Variants in KCNT2 observed in about 807,000 individuals in gnomAD.
KCNT2 encodes the protein potassium sodium-activated channel subfamily T member 2, also known as potassium channel subfamily T member 2.
In KCNT2, 67 loss-of-function variants were observed where a neutral mutation model predicts 153.8. The observed-to-expected ratio is 0.44, with a 90% CI of 0.36 to 0.53. KCNT2 has a LOEUF of 0.53. KCNT2 is among the 20% of genes least tolerant of loss of function. The pLI is 0.00. For missense variants in KCNT2, 975 were observed against 1,354.8 expected, an observed-to-expected ratio of 0.72 and a Z score of 4.40; for synonymous variants, 500 against 458.8, an observed-to-expected ratio of 1.09 and a Z score of -1.15.
intron 1 of KCNT2, among the ~76,000 whole-genome samples, chr1:196,530,993 G>T (rs1001098258): frequency 2.0e-5 from 3 of 152,036 alleles, no homozygotes; most frequent in African/African-American, 7.2e-5. Flanking sequence ...AAACTTAGAA[G>T]GATGAATCAG....
At chr1:196,348,871 C>A (rs1666368241) in intron 14 of KCNT2, among the ~76,000 whole-genome samples, 1 of 151,638 alleles carries the variant, frequency 6.6e-6, no homozygotes, top group Non-Finnish European at 1.5e-5. Context: ...ACGAAAAATA[C>A]AAAACAAAAC....
intron 12 of KCNT2, among the ~76,000 whole-genome samples, chr1:196,415,771 A>G (rs1005931986): frequency 1.3e-5 from 2 of 151,702 alleles, no homozygotes; most frequent in African/African-American, 2.4e-5. Flanking sequence ...TTTCTTCCTT[A>G]CCCTTTCTAT....
intron 26 of KCNT2, among the ~76,000 whole-genome samples, chr1:196,243,697 T>C (rs1016585866): frequency 6.6e-6 from 1 of 152,112 alleles, no homozygotes. Flanking sequence ...GAACCTGAGT[T>C]CTGGCAAGCC....
At chr1:196,403,489 T>C (rs560031757) in intron 12 of KCNT2, among the ~76,000 whole-genome samples, 2 of 151,696 alleles carry the variant, frequency 1.3e-5, no homozygotes, top group Non-Finnish European at 2.9e-5. Context: ...ATGCATGTCA[T>C]ATTACATTTA....
chr1:196,378,668 T>G (rs1572226191), intron 13 of KCNT2, among the ~76,000 whole-genome samples: 1 of 149,472 alleles, frequency 6.7e-6, no homozygotes, highest in African/African-American at 2.4e-5. Flanking sequence ...GTATTATATA[T>G]ATTTATATAG....
At chr1:196,542,643 T>C (rs770494245) in intron 1 of KCNT2, among the ~76,000 whole-genome samples, 1 of 152,104 alleles carries the variant, frequency 6.6e-6, no homozygotes, top group African/African-American at 2.4e-5. Flanking sequence ...TATAAATGGA[T>C]TGGGGAGCTT....
At chr1:196,434,563 A>G (rs1674449835) in intron 8 of KCNT2, among the ~76,000 whole-genome samples, 1 of 151,990 alleles carries the variant, frequency 6.6e-6, no homozygotes, top group South Asian at 2.1e-4. Flanking sequence ...TCACTGTTTA[A>G]AGAAACCTCT....
At position 196,330,922 on chromosome 1, in the gene KCNT2, C is replaced by T. The variant is rs149612817; in HGVS notation, c.2103+234G>A. Among the ~76,000 whole-genome samples, 17 of 152,038 alleles carry T rather than the reference C, an allele frequency of 1.1e-4. 1 individual carries two copies. In the East Asian group the frequency reaches 3.1e-3, roughly 28 times the overall value. On this transcript the variant is annotated intron_variant, in intron 18 of 27. Transcript: ENST00000294725. ...GGTACCTTATTTTTCTCTTTAACAA[C>T]ATGACTAGCAGATCCAGTAGGCTAA... is the stretch of plus-strand genomic sequence containing the variant.
intron 8 of KCNT2, among the ~76,000 whole-genome samples, chr1:196,452,182 TA>T (rs925685654): frequency 2.0e-5 from 3 of 152,020 alleles, no homozygotes; most frequent in Non-Finnish European, 4.4e-5. Flanking sequence ...GCAAGGTTTT[TA>T]AAAGGCACGT....
intron 1 of KCNT2, among the ~76,000 whole-genome samples, chr1:196,519,457 G>A (rs554857084): frequency 6.6e-6 from 1 of 152,136 alleles, no homozygotes; most frequent in South Asian, 2.1e-4. Context: ...GAGCTGAACT[G>A]AAAGAGATTG....
chr1:196,272,242 T>G (rs988661943), intron 25 of KCNT2, among the ~76,000 whole-genome samples: 23 of 151,810 alleles, frequency 1.5e-4, no homozygotes, highest in African/African-American at 5.6e-4. Flanking sequence ...GCAATAAAAA[T>G]TTTTATTTGA....
rs1677337106 is a variant in KCNT2, at chr1:196,463,498, G to A, written c.638+1795C>T. Among the ~76,000 whole-genome samples, 3 of 151,738 alleles carry A rather than the reference G, an allele frequency of 2.0e-5. 1 individual carries two copies. Among genetic ancestry groups the A allele is most frequent in the South Asian group, 4.1e-4 (2 of 4,824 alleles). ...AAAATTGTATGTAGTTAAACTTAAT[G>A]TTATGTAATTATTGCACATTAAGGG... is the stretch of plus-strand genomic sequence containing the variant. On this transcript the variant is annotated intron_variant, in intron 8 of 27. Coordinates refer to ENST00000294725, the MANE Select transcript of KCNT2 (RefSeq NM_198503.5).
At chr1:196,527,039 G>A (rs1187349731) in intron 1 of KCNT2, among the ~76,000 whole-genome samples, 1 of 152,118 alleles carries the variant, frequency 6.6e-6, no homozygotes, top group African/African-American at 2.4e-5. Context: ...AGGGATCTAT[G>A]TGGTGTGCTC....
At chr1:196,562,908 G>A (rs1659611882) in intron 1 of KCNT2, among the ~76,000 whole-genome samples, 1 of 151,918 alleles carries the variant, frequency 6.6e-6, no homozygotes, top group South Asian at 2.1e-4. Flanking sequence ...TAAATATAGT[G>A]CAGAATCTTT....
chr1:196,403,580 G>T (rs767484747), intron 12 of KCNT2, among the ~76,000 whole-genome samples: 25 of 151,208 alleles, frequency 1.7e-4, no homozygotes, highest in Non-Finnish European at 3.1e-4. Context: ...TATCAATATT[G>T]GTTCATCAGT....
In KCNT2 at chr1:196,326,863, A is replaced by G. The variant is rs1467916458; in HGVS notation, c.2130T>C (p.Asp710=). The G allele has an allele frequency of 6.3e-7, 1 of 1,584,708 alleles. No individual in the cohort carries two copies. ...DKSCQHNYYE[D]AKAYGFKNKL... is the part of the protein sequence containing the mutation. ...TATTTTTGAATCCATAGGCTTTTGC[A>G]TCCTCATAGTAGTTATGTTGGCAAC... Residue 710 remains aspartate, a synonymous_variant, in exon 19 of 28, where the codon GAT becomes GAC. Transcript: ENST00000294725.
intron 15 of KCNT2, among the ~76,000 whole-genome samples, chr1:196,341,237 C>T (rs1430315217): frequency 1.3e-5 from 2 of 151,964 alleles, no homozygotes; most frequent in South Asian, 4.1e-4. Context: ...ATACTCATAA[C>T]ACTTACATTG....
intron 13 of KCNT2, among the ~76,000 whole-genome samples, chr1:196,382,470 G>T (rs1057373064): frequency 6.6e-6 from 1 of 151,936 alleles, no homozygotes; most frequent in Non-Finnish European, 1.5e-5. Flanking sequence ...AAAGTATGCA[G>T]AATTTCGTAA....
At chr1:196,465,096 T>C (rs1251097031) in intron 8 of KCNT2, among the ~76,000 whole-genome samples, 197 bp downstream of exon 8, 2 of 152,048 alleles carry the variant, frequency 1.3e-5, no homozygotes, top group Non-Finnish European at 2.9e-5. Flanking sequence ...TAGCAAATGA[T>C]GTATGTGCTT....
Sources: gnomAD v4.1 joint callset for allele counts (sites outside exome capture counted in the v4.1 genomes callset) on GRCh38, gnomAD v4.1.1 for gene constraint, MANE v1.5 for transcripts, NCBI Gene and HGNC (gene_info 2026-07-23, HGNC 2026-07-21) for gene names.